The following FHIT variants were observed in gnomAD, a reference collection of about 807,000 sequenced individuals.
FHIT encodes fragile histidine triad diadenosine triphosphatase.
Under a neutral mutation model 17.9 loss-of-function variants are expected in FHIT, and 19 were observed. That is an observed-to-expected ratio of 1.06 (90% CI 0.74 to 1.56). The LOEUF (loss-of-function observed/expected upper bound fraction) is 1.56. Among genes scored for constraint, FHIT ranks in the 40% most tolerant of loss-of-function variants. FHIT has a pLI of 0.00. For synonymous variants in FHIT, 81 were observed against 69.7 expected (o/e 1.16, Z -0.81); for missense variants, 248 against 189.2 (o/e 1.31, Z -1.82).
intron 2 of FHIT, among the ~76,000 whole-genome samples, chr3:61,104,641 G>T (rs2035937743): frequency 6.6e-6 from 1 of 152,168 alleles, no homozygotes; most frequent in Non-Finnish European, 1.5e-5. Context: ...ACATTCTCAT[G>T]AATGATATCC....
intron 4 of FHIT, among the ~76,000 whole-genome samples, chr3:60,598,750 T>C (rs575029195): frequency 1.3e-5 from 2 of 152,314 alleles, no homozygotes; most frequent in South Asian, 4.1e-4. Context: ...TGGATTTTTT[T>C]CCCAAGAACT....
intron 2 of FHIT, among the ~76,000 whole-genome samples, chr3:61,167,539 G>C (rs2037874257): frequency 6.7e-6 from 1 of 148,424 alleles, no homozygotes; most frequent in Non-Finnish European, 1.5e-5. Flanking sequence ...TGAGGCAGGA[G>C]AATCACTTGA....
chr3:60,202,132 C>A (rs1576300507), intron 5 of FHIT, among the ~76,000 whole-genome samples: 3 of 152,200 alleles, frequency 2.0e-5, no homozygotes, highest in African/African-American at 7.2e-5. Context: ...GAAAGAGCAT[C>A]TTTTCAGAGG....
intron 3 of FHIT, among the ~76,000 whole-genome samples, chr3:60,952,707 C>A (rs987678262): frequency 1.3e-5 from 2 of 152,154 alleles, no homozygotes; most frequent in African/African-American, 4.8e-5. Context: ...ATATAGAAGA[C>A]GTCCAGCTAT....
At chr3:61,008,899 TTG>T (rs367561276) in intron 3 of FHIT, among the ~76,000 whole-genome samples, 1 of 151,990 alleles carries the variant, frequency 6.6e-6, no homozygotes, top group Admixed American at 6.5e-5. Context: ...TTTGGGCTTT[TTG>T]TGTGTGTGTG....
At chr3:61,099,028 C>G (rs554127772) in intron 2 of FHIT, among the ~76,000 whole-genome samples, 7 of 152,076 alleles carry the variant, frequency 4.6e-5, no homozygotes, top group Non-Finnish European at 2.9e-5. Context: ...CCAGCTTTGC[C>G]CATTTAGTAT....
chr3:61,133,077 T>C (rs2036812509), intron 2 of FHIT, among the ~76,000 whole-genome samples: 1 of 152,226 alleles, frequency 6.6e-6, no homozygotes, highest in Non-Finnish European at 1.5e-5. Context: ...AATTCATTCA[T>C]ATTCATCCTT....
chr3:60,567,307 A>G (rs933263673), intron 4 of FHIT, among the ~76,000 whole-genome samples: 15 of 152,212 alleles, frequency 9.9e-5, no homozygotes, highest in Admixed American at 6.5e-4. Context: ...ATAATGCCAC[A>G]TATCTACAAC....
intron 5 of FHIT, among the ~76,000 whole-genome samples, chr3:60,398,386 T>C (rs948833852): frequency 2.0e-5 from 3 of 152,148 alleles, no homozygotes; most frequent in African/African-American, 7.2e-5. Flanking sequence ...GTCCATGCTC[T>C]AAGAAAAATT....
chr3:60,536,805 G>A (rs1034951305), intron 5 of FHIT, 55 bp downstream of exon 5: 8 of 1,535,786 alleles, frequency 5.2e-6, no homozygotes, highest in Non-Finnish European at 7.0e-6. Context: ...TCATTTGGCT[G>A]GTTAGGCTCA....
At chr3:60,347,678 G>T (rs74883138) in intron 5 of FHIT, among the ~76,000 whole-genome samples, 1 of 83,654 alleles carries the variant, frequency 1.2e-5, no homozygotes, top group Non-Finnish European at 2.9e-5. Flanking sequence ...ACTGGTTTGG[G>T]GGGGGGGGGG....
intron 4 of FHIT, among the ~76,000 whole-genome samples, chr3:60,537,734 A>G (rs916794143): frequency 6.6e-5 from 10 of 152,178 alleles, no homozygotes; most frequent in Admixed American, 6.5e-4. Context: ...AAATCCATCT[A>G]GCACCAAGGA....
rs1311980582 is a variant in FHIT, at chr3:60,048,974, C to G, written c.104-34822G>C. Among the ~76,000 whole-genome samples, 3 of 152,166 alleles carry G rather than the reference C, an allele frequency of 2.0e-5. No homozygotes were observed. The East Asian group carries it at 5.8e-4, about 29-fold the overall frequency. ...TTGTTTTAACCCTGAGTGTCTAGAA[C>G]TGAGTTGGGCAAGCTCCTTAACCCA... On this transcript the variant is annotated intron_variant, in intron 5 of 9. Coordinates refer to ENST00000492590, the MANE Select transcript of FHIT (RefSeq NM_002012.4).
intron 5 of FHIT, among the ~76,000 whole-genome samples, chr3:60,082,993 T>C (rs1409407693): frequency 6.6e-6 from 1 of 152,134 alleles, no homozygotes. Flanking sequence ...TTAAATTGTG[T>C]TTATGTTACA....
intron 5 of FHIT, among the ~76,000 whole-genome samples, chr3:60,527,052 G>A (rs12494015): frequency 0.073 from 11,056 of 152,150 alleles, 864 homozygotes; most frequent in East Asian, 0.17. Context: ...TGGATGTGGG[G>A]AGCATCTGTC....
intron 4 of FHIT, among the ~76,000 whole-genome samples, chr3:60,619,663 T>C (rs1468145873): frequency 2.2e-5 from 3 of 134,908 alleles, no homozygotes; most frequent in African/African-American, 5.6e-5. Flanking sequence ...TTCACAAAAA[T>C]TGACTCAAAA....
intron 5 of FHIT, among the ~76,000 whole-genome samples, chr3:60,289,145 A>G (rs999647917): frequency 6.6e-6 from 1 of 152,212 alleles, no homozygotes; most frequent in African/African-American, 2.4e-5. Flanking sequence ...GGAAAGAAGA[A>G]TAAGAAGACC....
chr3:59,970,744 C>G (rs976847578), intron 7 of FHIT, among the ~76,000 whole-genome samples: 3 of 151,898 alleles, frequency 2.0e-5, no homozygotes, highest in Admixed American at 6.6e-5. Context: ...TCCGGGACTC[C>G]TAAATTTTCA....
intron 4 of FHIT, among the ~76,000 whole-genome samples, chr3:60,679,052 A>C (rs1434235581): frequency 1.3e-5 from 2 of 151,990 alleles, no homozygotes; most frequent in Non-Finnish European, 2.9e-5. Flanking sequence ...GATAATAATA[A>C]TAATAGGTAC....
Sources: allele counts gnomAD v4.1 joint callset (sites outside exome capture counted in the v4.1 genomes callset), GRCh38; gene constraint gnomAD v4.1.1; transcripts MANE v1.5; gene names NCBI Gene and HGNC (gene_info 2026-07-23, HGNC 2026-07-21).